DOCK8: variants seen among roughly 807,000 people sequenced by gnomAD.
The protein encoded by DOCK8 is dedicator of cytokinesis protein 8.
DOCK8 carries 141 observed loss-of-function variants against 245.6 expected under a neutral mutation model. The observed-to-expected ratio is 0.57, with a 90% CI of 0.50 to 0.66. The LOEUF is 0.66. Ranked by LOEUF, DOCK8 falls within the 30% of genes least tolerant of loss-of-function variation. The probability of loss-of-function intolerance (pLI) is 0.00; values close to 1 mark genes in which losing one functional copy is unlikely to be tolerated. For synonymous variants in DOCK8, 1,168 were observed against 970.2 expected (o/e 1.20, Z -3.79); for missense variants, 2,965 against 2,603.4 (o/e 1.14, Z -3.02).
chr9:273,732 G>C (rs570362926), intron 2 of DOCK8, among the ~76,000 whole-genome samples: 1 of 149,534 alleles, frequency 6.7e-6, no homozygotes, highest in East Asian at 2.0e-4. Flanking sequence ...TTGTCACGCA[G>C]GCTGGAGTGC....
intron 43 of DOCK8, among the ~76,000 whole-genome samples, chr9:443,750 A>G (rs2057164259): frequency 6.6e-6 from 1 of 152,202 alleles, no homozygotes; most frequent in African/African-American, 2.4e-5. Context: ...CTGGAACTGC[A>G]TTAGGCCCTC....
intron 1 of DOCK8, among the ~76,000 whole-genome samples, chr9:218,817 A>C (rs2046821202): frequency 6.6e-6 from 1 of 152,248 alleles, no homozygotes; most frequent in Non-Finnish European, 1.5e-5. Context: ...AGGAAGAAAA[A>C]ATAATGGCTT....
chr9:400,300 A>ACCACC (rs2054820834), intron 26 of DOCK8, among the ~76,000 whole-genome samples: 1 of 43,544 alleles, frequency 2.3e-5, no homozygotes, highest in Non-Finnish European at 4.0e-5. Flanking sequence ...CACCACCACC[A>ACCACC]TCTTCACCGT....
chr9:451,977 AT>A (rs35071801), intron 45 of DOCK8, 33 bp from the exon 46 acceptor site: 20 of 184,516 alleles, frequency 1.1e-4, no homozygotes, highest in Middle Eastern at 2.1e-3. Flanking sequence ...ATATATATAT[AT>A]TTTTTTTTTT....
chr9:313,436 A>T (rs1459359292), intron 6 of DOCK8, among the ~76,000 whole-genome samples: 2 of 152,158 alleles, frequency 1.3e-5, no homozygotes, highest in African/African-American at 2.4e-5. Context: ...CTGATTTTCT[A>T]AGCACCTTGG....
intron 1 of DOCK8, among the ~76,000 whole-genome samples, chr9:241,336 T>G (rs974586553): frequency 6.6e-5 from 10 of 152,178 alleles, no homozygotes; most frequent in African/African-American, 2.4e-4. Flanking sequence ...TCCTCCTATG[T>G]AGCTGTAATT....
Position 443,414 on chromosome 9 carries a change from T to G in DOCK8, c.5491-13T>G. 1.2e-6 allele frequency: 2 copies of G among 1,612,546 alleles called. No homozygotes were observed. The highest frequency in any genetic ancestry group is 1.7e-6 in the Non-Finnish European group (2 of 1,178,640). On this transcript the variant is annotated splice_polypyrimidine_tract_variant and intron_variant, in intron 42 of 47. Coordinates refer to ENST00000432829, the MANE Select transcript of DOCK8 (RefSeq NM_203447.4). Reference sequence around the variant, plus strand: ...AAAATAACCTTTATAAACTGTTGGTTCTTCTTACCTAGGCATTTTATGGTC... The same window carrying G: ...AAAATAACCTTTATAAACTGTTGGTGCTTCTTACCTAGGCATTTTATGGTC...
rs759467230 is a variant in DOCK8 at position 422,912 on chromosome 9, G to A, written c.4241+777G>A. Among the ~76,000 whole-genome samples, 50 of 151,658 alleles carry A rather than the reference G, an allele frequency of 3.3e-4. 1 individual carries two copies. The highest frequency in any genetic ancestry group is 6.2e-4 in the Non-Finnish European group (42 of 67,958). On this transcript the variant is annotated intron_variant, in intron 33 of 47. Coordinates refer to ENST00000432829, the MANE Select transcript of DOCK8 (RefSeq NM_203447.4). ...AGGAGGAAGAGTCGCTTGAACCCGG[G>A]AGGCAGAGGTTGCAGTGAGCCAAGA...
intron 46 of DOCK8, among the ~76,000 whole-genome samples, chr9:457,279 G>C (rs1266352548): frequency 2.0e-5 from 3 of 152,196 alleles, no homozygotes; most frequent in African/African-American, 7.2e-5. Flanking sequence ...GCCTCAACTA[G>C]ATGTGTGACC....
At chr9:258,812 G>T (rs541632242) in intron 1 of DOCK8, among the ~76,000 whole-genome samples, 10 of 152,028 alleles carry the variant, frequency 6.6e-5, no homozygotes, top group African/African-American at 2.2e-4. Context: ...TGGCCAGGCT[G>T]GTCTCGAACT....
intron 1 of DOCK8, among the ~76,000 whole-genome samples, chr9:229,903 A>T (rs567072329): frequency 6.6e-6 from 1 of 151,194 alleles, no homozygotes; most frequent in East Asian, 1.9e-4. Flanking sequence ...TTTAAATTTA[A>T]TTTTATTATT....
intron 2 of DOCK8, among the ~76,000 whole-genome samples, chr9:280,074 T>C (rs57737792): frequency 0.022 from 3,383 of 152,300 alleles, 126 homozygotes; most frequent in African/African-American, 0.077. Flanking sequence ...TGAGAACAAA[T>C]TGAATCTTAC....
At chr9:217,895 A>T (rs1163293204) in intron 1 of DOCK8, among the ~76,000 whole-genome samples, 2 of 152,292 alleles carry the variant, frequency 1.3e-5, no homozygotes, top group East Asian at 3.9e-4. Flanking sequence ...TGGGATTGCA[A>T]ACTGCTCCAA....
rs1229218535 is a variant in DOCK8, at chr9:420,565, G to A, written c.4005G>A (p.Val1335=). 1.2e-6 allele frequency: 2 copies of A among 1,614,014 alleles called. No homozygotes were observed. Among genetic ancestry groups the A allele is most frequent in the African/African-American group, 2.7e-5 (2 of 74,902 alleles). The change falls in exon 31 of 48, where the codon GTG becomes GTA. Residue 1335 remains valine, a synonymous_variant. Coordinates refer to ENST00000432829, the MANE Select transcript of DOCK8 (RefSeq NM_203447.4). The part of the protein sequence containing the change: ...NRILDLLFIC[V]LCFEYKGKQS... The stretch of plus-strand genomic sequence containing the variant: ...TTTTAGATCTACTTTTCATCTGTGT[G>A]TTATGTTTTGAGTATAAGGTAAGTC...
At chr9:313,831 A>T (rs894653349) in intron 6 of DOCK8, among the ~76,000 whole-genome samples, 1 of 152,258 alleles carries the variant, frequency 6.6e-6, no homozygotes, top group South Asian at 2.1e-4. Flanking sequence ...TCTTTCTACA[A>T]TGTATGCATA....
intron 6 of DOCK8, among the ~76,000 whole-genome samples, chr9:314,837 G>T (rs1031372556): frequency 6.6e-6 from 1 of 152,130 alleles, no homozygotes; most frequent in Admixed American, 6.5e-5. Flanking sequence ...TGATTTCCCT[G>T]TAAGGAAAGT....
chr9:409,207 C>T (rs1014043843), intron 28 of DOCK8, among the ~76,000 whole-genome samples: 1 of 152,168 alleles, frequency 6.6e-6, no homozygotes, highest in African/African-American at 2.4e-5. Flanking sequence ...ACCTGAACCC[C>T]TAGGGAGCTA....
At chr9:413,691 C>A (rs1309140328) in intron 28 of DOCK8, among the ~76,000 whole-genome samples, 1 of 152,164 alleles carries the variant, frequency 6.6e-6, no homozygotes, top group Non-Finnish European at 1.5e-5. Context: ...ATATTAAAAT[C>A]ACAATTAAAT....
chr9:439,715 A>G (rs1564071079), intron 40 of DOCK8, among the ~76,000 whole-genome samples: 1 of 152,182 alleles, frequency 6.6e-6, no homozygotes, highest in Non-Finnish European at 1.5e-5. Flanking sequence ...GCCCAGGGTT[A>G]CACAATAAAT....
Sources: gnomAD v4.1 joint callset for allele counts (sites outside exome capture counted in the v4.1 genomes callset) on GRCh38, gnomAD v4.1.1 for gene constraint, MANE v1.5 for transcripts, NCBI Gene and HGNC (gene_info 2026-07-23, HGNC 2026-07-21) for gene names.